Variants in SNAPC3 observed in about 807,000 individuals in gnomAD.
SNAPC3 encodes snRNA-activating protein complex subunit 3.
A neutral mutation model predicts 47.7 loss-of-function variants in SNAPC3; 56 were observed. That is an observed-to-expected ratio of 1.18 (90% confidence interval 0.95 to 1.47). The LOEUF is 1.47. Ranked by LOEUF, SNAPC3 falls within the 40% of genes most tolerant of loss-of-function variation. The pLI is 0.00. For synonymous variants in SNAPC3, 235 were observed against 189.9 expected (o/e 1.24, Z -1.95); for missense variants, 665 against 511.3 (o/e 1.30, Z -2.90).
At chr9:15,465,495 T>C (rs2035557713), downstream of SNAPC3, 4 of 1,500,838 alleles carry the variant, frequency 2.7e-6, no homozygotes, top group Non-Finnish European at 3.7e-6. Context: ...TTCTCAAGTG[T>C]TCTCTATATT....
chr9:15,452,358 G>C (rs1469255963), intron 6 of SNAPC3, among the ~76,000 whole-genome samples: 1 of 132,104 alleles, frequency 7.6e-6, no homozygotes, highest in Non-Finnish European at 1.6e-5. Context: ...CGCTCTTGTT[G>C]CCCAGGCTGG....
At position 15,461,346 on chromosome 9, in the gene SNAPC3, G is replaced by T. The variant is rs2035206386; in HGVS notation, c.*1480G>T. On this transcript the variant is annotated 3_prime_UTR_variant, in exon 9 of 9. Transcript: ENST00000380821. ...CGGGCTAATTTTTTTATTTCTTGTA[G>T]ATACAGGGTTTCACTATGTTGCGCA... 6.6e-6 allele frequency: 1 copy of T among 152,112 alleles called. No homozygotes were observed. Among genetic ancestry groups the T allele is most frequent in the South Asian group, 2.1e-4 (1 of 4,826 alleles). 9.4% of individuals were successfully genotyped at this position (152,112 alleles called of 1,614,324 possible).
chr9:15,455,993 G>A (rs2034762288), intron 7 of SNAPC3, among the ~76,000 whole-genome samples: 2 of 150,712 alleles, frequency 1.3e-5, no homozygotes, highest in Admixed American at 1.3e-4. Context: ...TTCTGCCTCA[G>A]CCTCCCGAGT....
At chr9:15,440,704 C>T (rs1401269299) in intron 3 of SNAPC3, among the ~76,000 whole-genome samples, 1 of 151,942 alleles carries the variant, frequency 6.6e-6, no homozygotes, top group Middle Eastern at 3.4e-3. Context: ...AATCCCAGCA[C>T]TTTGGGAGGC....
chr9:15,438,780 G>T (rs1225419522), intron 3 of SNAPC3, among the ~76,000 whole-genome samples: 3 of 152,010 alleles, frequency 2.0e-5, no homozygotes, highest in Non-Finnish European at 4.4e-5. Flanking sequence ...GGTGTATCCT[G>T]GAGAATGGTT....
chr9:15,462,430 T>C (rs568281814), downstream of SNAPC3: 5 of 152,326 alleles, frequency 3.3e-5, no homozygotes, highest in African/African-American at 1.2e-4. Flanking sequence ...ACTTTGTATA[T>C]TTCTGGAGCT....
At position 15,430,892 on chromosome 9, in the gene SNAPC3, G is replaced by A. The variant is rs761665223; in HGVS notation, c.393-2660G>A. Among the ~76,000 whole-genome samples, 4 of 152,138 alleles carry A rather than the reference G, an allele frequency of 2.6e-5. No individual in the cohort carries two copies. The South Asian group carries it at 8.3e-4, about 32-fold the overall frequency. On this transcript the variant is annotated intron_variant, in intron 2 of 8. Coordinates refer to ENST00000380821, the MANE Select transcript of SNAPC3 (RefSeq NM_001039697.2). ...ATATGCCACCTTTCATGTAAGAAAG[G>A]TGTGCCAGGTGTAGTTTATTGGCTC...
At position 15,460,889 on chromosome 9, in the gene SNAPC3, TTAAAA is replaced by T. The variant is rs1282314524; in HGVS notation, c.*1026_*1030del. ...CAAAAGCTTTATGAATGTTATGAGT[TTAAAA>T]TATGTCAATTTAATACTATGATTTA... is the stretch of plus-strand genomic sequence containing the variant. On this transcript the variant is annotated 3_prime_UTR_variant, in exon 9 of 9. Transcript: ENST00000380821. 3 of 152,186 alleles carry T rather than the reference TTAAAA, an allele frequency of 2.0e-5. No homozygotes were observed. Among genetic ancestry groups the T allele is most frequent in the Non-Finnish European group, 4.4e-5 (3 of 68,034 alleles). 9.4% of individuals were successfully genotyped at this position (152,186 alleles called of 1,614,324 possible).
chr9:15,457,549 C>T (rs2034887739), intron 7 of SNAPC3, among the ~76,000 whole-genome samples: 1 of 152,134 alleles, frequency 6.6e-6, no homozygotes, highest in South Asian at 2.1e-4. Context: ...AAGCCAAGAT[C>T]ATGCCACCGT....
rs574232604 is a variant in SNAPC3 at position 15,454,229 on chromosome 9, CAAAAAAAAAAAA to C, written c.980+1027_980+1038del. Among the ~76,000 whole-genome samples, 8 of 110,048 alleles carry C rather than the reference CAAAAAAAAAAAA, an allele frequency of 7.3e-5. No individual in the cohort carries two copies. In the South Asian group the frequency reaches 1.6e-3, roughly 23 times the overall value. The allele number at this position is 110,048 out of a possible 152,430, so 72.2% of individuals were successfully genotyped here. A position where few individuals can be genotyped will look rare whatever the true frequency, so the allele number is the denominator to read the frequency against. On this transcript the variant is annotated intron_variant, in intron 7 of 8. Coordinates refer to ENST00000380821, the MANE Select transcript of SNAPC3 (RefSeq NM_001039697.2). ...TGGGTGACAGAGTGAGACCTTGTCT[CAAAAAAAAAAAA>C]AAGAAAAAAAGAAAGAAGCTGATGC...
chr9:15,464,892 CTCAGTTCCATG>C (rs2035507062), downstream of SNAPC3: 1 of 213,542 alleles, frequency 4.7e-6, no homozygotes, highest in African/African-American at 2.3e-5. Flanking sequence ...TTGTAGAATT[CTCAGTTCCATG>C]TCAGTTGCTT....
downstream of SNAPC3, chr9:15,465,560 T>A: frequency 6.3e-7 from 1 of 1,586,138 alleles, no homozygotes; most frequent in Non-Finnish European, 8.6e-7. Flanking sequence ...TATTTCAGTC[T>A]CTCTCTCTTC....
chr9:15,456,323 T>A (rs1432738933), intron 7 of SNAPC3, among the ~76,000 whole-genome samples: 1 of 152,072 alleles, frequency 6.6e-6, no homozygotes, highest in East Asian at 1.9e-4. Flanking sequence ...TCCGTACATT[T>A]CTTATAGTGT....
chr9:15,466,311 G>T (rs2035622985), downstream of SNAPC3, among the ~76,000 whole-genome samples: 1 of 152,228 alleles, frequency 6.6e-6, no homozygotes, highest in South Asian at 2.1e-4. Flanking sequence ...CCCAGGAAGT[G>T]GAGGTTGCAG....
Position 15,423,059 on chromosome 9 carries a change from C to G in SNAPC3, c.180C>G (p.Asp60Glu). 6.6e-7 allele frequency: 1 copy of G among 1,517,728 alleles called. No individual in the cohort carries two copies. 94.0% of individuals were successfully genotyped at this position (1,517,728 alleles called of 1,614,324 possible). The change falls in exon 1 of 9, where the codon GAC becomes GAG. Residue 60 changes from aspartate (D) to glutamate (E), a missense_variant. By Grantham distance (45) the Asp-to-Glu change is conservative. Coordinates refer to ENST00000380821, the MANE Select transcript of SNAPC3 (RefSeq NM_001039697.2). ...GGGGCCGTCTGCGCGGGGCCGGGGACTTGTCGCTGAGGGAGCCGCCGGCAT... is the reference window on the plus strand; with the variant it reads ...GGGGCCGTCTGCGCGGGGCCGGGGAGTTGTCGCTGAGGGAGCCGCCGGCAT... The part of the protein sequence containing the change: ...LWRGRLRGAG[D>E]LSLREPPASA...
intron 3 of SNAPC3, 139 bp downstream of exon 3, chr9:15,433,775 C>G: frequency 3.8e-6 from 2 of 525,036 alleles, no homozygotes; most frequent in Non-Finnish European, 6.6e-6. Flanking sequence ...TCCTTTGAGT[C>G]TGGGAACTAG....
At position 15,444,584 on chromosome 9, in the gene SNAPC3, C is replaced by T. The variant is rs748088240; in HGVS notation, c.478-18C>T. On this transcript the variant is annotated intron_variant, in intron 3 of 8. Coordinates refer to ENST00000380821, the MANE Select transcript of SNAPC3 (RefSeq NM_001039697.2). ...GAGTTATAGTATCTGATTTCAGTGT[C>T]TCTTTTTCTTTCTTCAGGAGTCACA... is the stretch of plus-strand genomic sequence containing the variant. The T allele has an allele frequency of 6.7e-7, 1 of 1,485,496 alleles. No homozygotes were observed. Among genetic ancestry groups the T allele is most frequent in the Non-Finnish European group, 9.4e-7 (1 of 1,065,284 alleles). 92.0% of individuals were successfully genotyped at this position (1,485,496 alleles called of 1,614,324 possible). A position where few individuals can be genotyped will look rare whatever the true frequency, so the allele number is the denominator to read the frequency against.
chr9:15,435,709 A>T (rs945012599), intron 3 of SNAPC3, among the ~76,000 whole-genome samples: 2 of 151,504 alleles, frequency 1.3e-5, no homozygotes, highest in African/African-American at 4.9e-5. Context: ...AGCCTGGGCA[A>T]CAGGAGTGAA....
At position 15,459,754 on chromosome 9, in the gene SNAPC3, A is replaced by G; in HGVS notation, c.1124A>G (p.Asp375Gly). ...VTNNDSFAPE[D>G]PCFFCDVCFR... ...AACAATGACAGTTTTGCACCAGAGG[A>G]CCCATGCTTCTTTTGTGATGTTTGC... is the stretch of plus-strand genomic sequence containing the variant. The change falls in exon 9 of 9, where the codon GAC becomes GGC. Residue 375 changes from aspartate to glycine, a missense_variant. Coordinates refer to ENST00000380821, the MANE Select transcript of SNAPC3 (RefSeq NM_001039697.2). The G allele has an allele frequency of 6.2e-7, 1 of 1,613,630 alleles. No individual in the cohort carries two copies. Among genetic ancestry groups the G allele is most frequent in the Non-Finnish European group, 8.5e-7 (1 of 1,179,764 alleles).
Sources: gnomAD v4.1 joint callset for allele counts (sites outside exome capture counted in the v4.1 genomes callset) on GRCh38, gnomAD v4.1.1 for gene constraint, MANE v1.5 for transcripts, NCBI Gene and HGNC (gene_info 2026-07-23, HGNC 2026-07-21) for gene names.